The following CCDC171 variants were observed in gnomAD, a reference collection of about 807,000 sequenced individuals.
CCDC171 encodes coiled-coil domain-containing protein 171.
A neutral mutation model predicts 168.2 loss-of-function variants in CCDC171; 177 were observed. That is an observed-to-expected ratio of 1.05 (90% CI 0.93 to 1.19). CCDC171 has a LOEUF of 1.19. Ranked by LOEUF, CCDC171 falls within the 50% of genes most tolerant of loss-of-function variation. The pLI is 0.00. For synonymous variants in CCDC171, 687 were observed against 540.8 expected, an observed-to-expected ratio of 1.27 and a Z score of -3.75; for missense variants, 1,991 against 1,539.0, an observed-to-expected ratio of 1.29 and a Z score of -4.91.
chr9:16,065,224 C>G (rs1833978451), downstream of CCDC171, among the ~76,000 whole-genome samples: 1 of 152,174 alleles, frequency 6.6e-6, no homozygotes, highest in Non-Finnish European at 1.5e-5. Flanking sequence ...ACCATTAAGT[C>G]TCAGAGAACT....
chr9:15,954,862 T>C (rs779017425), intron 25 of CCDC171, among the ~76,000 whole-genome samples: 8 of 152,136 alleles, frequency 5.3e-5, no homozygotes, highest in Non-Finnish European at 1.0e-4. Flanking sequence ...TTTCTTTAGT[T>C]CTCTGAGCAT....
At chr9:15,608,845 C>G (rs925320182) in intron 6 of CCDC171, among the ~76,000 whole-genome samples, 1 of 142,246 alleles carries the variant, frequency 7.0e-6, no homozygotes, top group African/African-American at 2.6e-5. Context: ...GTGATCCTGG[C>G]TACTAGGGAG....
At chr9:15,689,219 G>A (rs527335691) in intron 10 of CCDC171, among the ~76,000 whole-genome samples, 4 of 152,238 alleles carry the variant, frequency 2.6e-5, no homozygotes, top group South Asian at 2.1e-4. Flanking sequence ...AAACAAGGTC[G>A]AAATAAATGG....
intron 18 of CCDC171, among the ~76,000 whole-genome samples, chr9:15,748,838 A>G (rs1220680047): frequency 6.6e-6 from 1 of 152,234 alleles, no homozygotes; most frequent in African/African-American, 2.4e-5. Flanking sequence ...AAACATGGAA[A>G]GGAACAACTG....
chr9:15,886,700 A>T (rs1357920978), intron 24 of CCDC171: 2 of 152,100 alleles, frequency 1.3e-5, no homozygotes, highest in African/African-American at 2.4e-5. Flanking sequence ...AATAGCCAAG[A>T]TATAGAAACA....
chr9:15,880,468 T>TG (rs976103931), intron 24 of CCDC171, among the ~76,000 whole-genome samples: 33 of 151,584 alleles, frequency 2.2e-4, no homozygotes, highest in African/African-American at 7.3e-4. Context: ...TCTCTCTTTT[T>TG]TTTTTTTTGA....
At chr9:15,916,828 G>A (rs1404441011) in intron 24 of CCDC171, among the ~76,000 whole-genome samples, 1 of 151,840 alleles carries the variant, frequency 6.6e-6, no homozygotes, top group Admixed American at 6.6e-5. Context: ...TTAAACAAAG[G>A]CTATTCTTGT....
At chr9:15,610,481 A>C (rs1318505197) in intron 6 of CCDC171, among the ~76,000 whole-genome samples, 1 of 136,810 alleles carries the variant, frequency 7.3e-6, no homozygotes, top group East Asian at 2.1e-4. Flanking sequence ...AAAAAAAAAA[A>C]CTGGGCGTGG....
At chr9:16,072,793 T>A in the CCDC171 span, among the ~76,000 whole-genome samples, 1 of 152,238 alleles carries the variant, frequency 6.6e-6, no homozygotes, top group Non-Finnish European at 1.5e-5. Flanking sequence ...AATTTTCTTC[T>A]TGGCCATCTT....
intron 25 of CCDC171, among the ~76,000 whole-genome samples, chr9:15,969,211 A>T (rs1831108380): frequency 6.6e-6 from 1 of 152,194 alleles, no homozygotes; most frequent in African/African-American, 2.4e-5. Flanking sequence ...TTCAGACGAC[A>T]TAGTGGAAAG....
chr9:15,657,063 G>T (rs1186236107), intron 7 of CCDC171, 64 bp from the exon 8 acceptor site: 2 of 894,070 alleles, frequency 2.2e-6, no homozygotes, highest in Non-Finnish European at 3.5e-6. Flanking sequence ...ATGCTGGACT[G>T]TAGTGATCCA....
intron 11 of CCDC171, among the ~76,000 whole-genome samples, chr9:15,711,929 C>A (rs987194358): frequency 3.3e-5 from 5 of 152,162 alleles, no homozygotes; most frequent in African/African-American, 1.2e-4. Flanking sequence ...GATATGGTTC[C>A]ATCTCTGGCG....
intron 25 of CCDC171, among the ~76,000 whole-genome samples, chr9:15,964,719 A>G (rs567956635): frequency 6.6e-6 from 1 of 152,340 alleles, no homozygotes; most frequent in East Asian, 1.9e-4. Context: ...GGTATCTTGA[A>G]GTAATTTAAA....
At chr9:15,688,856 G>A (rs1223888277) in intron 10 of CCDC171, among the ~76,000 whole-genome samples, 1 of 152,128 alleles carries the variant, frequency 6.6e-6, no homozygotes, top group Non-Finnish European at 1.5e-5. Context: ...CTAGCCAGTG[G>A]TATTAGGCAA....
At chr9:16,101,601 C>T in the CCDC171 span, among the ~76,000 whole-genome samples, 1 of 152,200 alleles carries the variant, frequency 6.6e-6, no homozygotes, top group Non-Finnish European at 1.5e-5. Context: ...TGTGCCTAAC[C>T]AAACTACATG....
At chr9:15,789,599 A>C (rs1261730611) in intron 21 of CCDC171, among the ~76,000 whole-genome samples, 1 of 152,104 alleles carries the variant, frequency 6.6e-6, no homozygotes, top group Non-Finnish European at 1.5e-5. Flanking sequence ...AGATAGATAT[A>C]TTAATCTTTT....
intron 24 of CCDC171, among the ~76,000 whole-genome samples, chr9:15,878,411 A>T (rs953467267): frequency 6.6e-6 from 1 of 152,208 alleles, no homozygotes; most frequent in Non-Finnish European, 1.5e-5. Context: ...AGAAATGCCA[A>T]TCAAAACCAC....
At chr9:15,949,898 A>G (rs1350999937) in intron 25 of CCDC171, among the ~76,000 whole-genome samples, 4 of 152,122 alleles carry the variant, frequency 2.6e-5, no homozygotes, top group Non-Finnish European at 5.9e-5. Context: ...TTCAAATGGA[A>G]TGCTTCCAGT....
At chr9:15,680,704 T>G (rs1289263432) in intron 10 of CCDC171, among the ~76,000 whole-genome samples, 1 of 152,224 alleles carries the variant, frequency 6.6e-6, no homozygotes, top group Non-Finnish European at 1.5e-5. Context: ...GTAGCATCTG[T>G]TCACTGTAAT....
Sources: gnomAD v4.1 joint callset for allele counts (sites outside exome capture counted in the v4.1 genomes callset) on GRCh38, gnomAD v4.1.1 for gene constraint, MANE v1.5 for transcripts, NCBI Gene and HGNC (gene_info 2026-07-23, HGNC 2026-07-21) for gene names.